The following NAV1 variants were observed in gnomAD, a reference collection of about 807,000 sequenced individuals.
NAV1 encodes pore membrane and/or filament interacting like protein 3.
A neutral mutation model predicts 175.2 loss-of-function variants in NAV1; 18 were observed. The observed-to-expected ratio is 0.10, with a 90% CI of 0.07 to 0.15. NAV1 has a LOEUF of 0.15. NAV1 is among the 10% of genes least tolerant of loss of function. The probability of loss-of-function intolerance (pLI) is 1.00; values close to 1 mark genes in which losing one functional copy is unlikely to be tolerated. For synonymous variants in NAV1, 897 were observed against 978.7 expected, an observed-to-expected ratio of 0.92 and a Z score of 1.56; for missense variants, 1,731 against 2,436.6, an observed-to-expected ratio of 0.71 and a Z score of 6.10.
At chr1:201,785,007 A>T (rs1031133214) in intron 7 of NAV1, among the ~76,000 whole-genome samples, 5 of 152,122 alleles carry the variant, frequency 3.3e-5, no homozygotes, top group Admixed American at 6.5e-5. Flanking sequence ...CGACCTCGTG[A>T]TCCACCCGCC....
intron 1 of NAV1, among the ~76,000 whole-genome samples, chr1:201,562,752 G>A (rs1289416795): frequency 1.3e-5 from 2 of 152,242 alleles, no homozygotes; most frequent in Middle Eastern, 3.4e-3. Flanking sequence ...GTACTTCTAG[G>A]CGGTTGGTGC....
rs1328483490 is a variant in NAV1 at position 201,772,538 on chromosome 1, T to C, written c.1227-7883T>C. Among the ~76,000 whole-genome samples the C allele has an allele frequency of 3.9e-5, 6 of 152,338 alleles. No homozygotes were observed. The South Asian group carries it at 1.2e-3, about 32-fold the overall frequency. On this transcript the variant is annotated intron_variant, in intron 3 of 29. Coordinates refer to ENST00000367296, the Ensembl canonical transcript of NAV1. Reference sequence around the variant, plus strand: ...GGATAAAGCATTATGTTTATCAGTATTGTAACATGGTAAAGTCATATTTCT... The same window carrying C: ...GGATAAAGCATTATGTTTATCAGTACTGTAACATGGTAAAGTCATATTTCT...
chr1:201,609,528 G>T (rs1667787292), intron 2 of NAV1, among the ~76,000 whole-genome samples: 1 of 152,218 alleles, frequency 6.6e-6, no homozygotes, highest in South Asian at 2.1e-4. Context: ...TTTGTTGAGT[G>T]ATACTACCTC....
intron 2 of NAV1, among the ~76,000 whole-genome samples, chr1:201,636,784 G>A (rs1444540704): frequency 1.3e-5 from 2 of 152,186 alleles, no homozygotes; most frequent in African/African-American, 4.8e-5. Flanking sequence ...GGAAGTGGAA[G>A]GAGAACAGCC....
In NAV1 at chr1:201,750,185, A is replaced by AT. The variant is rs574395825; in HGVS notation, c.1227-30230dup. On this transcript the variant is annotated intron_variant, in intron 3 of 29. Transcript: ENST00000367296. This position sits in a 1 kb window ranked among gnomAD's most constrained non-coding sequence, Gnocchi z 4.1. ...AGGTTCACTGGCAACTTTCTGTGTA[A>AT]TTTTTTATAACAAAGACCTACCGCT... Among the ~76,000 whole-genome samples the AT allele has an allele frequency of 2.0e-4, 31 of 152,292 alleles. No individual in the cohort carries two copies. The South Asian group carries it at 5.8e-3, about 28-fold the overall frequency.
rs1678415913 is a variant in NAV1, at chr1:201,808,047, C to G, written c.3743C>G (p.Ser1248Cys). Residue 1248 changes from serine to cysteine, a missense_variant, in exon 18 of 30, where the codon TCT becomes TGT. Ser to Cys is a moderately radical substitution (Grantham distance 112). Transcript: ENST00000367296. This position sits in a 1 kb window ranked among gnomAD's most constrained non-coding sequence, Gnocchi z 5.5. ...ATAGAGGAGATTGCTACACCCGACT[C>G]TTCAGCCCCCTCATCCCCCAAACTA... The G allele has an allele frequency of 1.2e-6, 2 of 1,614,206 alleles. No homozygotes were observed. The highest frequency in any genetic ancestry group is 8.5e-7 in the Non-Finnish European group (1 of 1,180,044).
intron 2 of NAV1, among the ~76,000 whole-genome samples, chr1:201,634,385 G>A (rs1668558499): frequency 6.6e-6 from 1 of 152,198 alleles, no homozygotes; most frequent in Admixed American, 6.5e-5. Flanking sequence ...GGTCTAGCCA[G>A]GATTTGAACC....
chr1:201,664,328 G>A (rs559526455), intron 1 of NAV1, among the ~76,000 whole-genome samples: 10 of 152,270 alleles, frequency 6.6e-5, no homozygotes, highest in African/African-American at 2.2e-4. Flanking sequence ...GGGACAGAGC[G>A]AGACCATGTC....
chr1:201,539,608 C>CG lies in NAV1; in HGVS notation c.-144+273dup, dbSNP rs1488283736. 3.3e-5 allele frequency among the ~76,000 whole-genome samples: 5 copies of CG among 152,016 alleles called. No individual in the cohort carries two copies. The highest frequency in any genetic ancestry group is 6.5e-5 in the Admixed American group (1 of 15,268). On this transcript the variant is annotated intron_variant, in intron 1 of 33. Transcript: ENST00000685211. The surrounding 1 kb of genome is among the most constrained non-coding windows in gnomAD (Gnocchi z 5.6). ...GCGTTTGATTCTAGAGTTGACTCTC[C>CG]GGGGGGGCTGCCTAACTTCAGTCCC... is the stretch of plus-strand genomic sequence containing the variant.
At chr1:201,682,337 C>T (rs182989558) in intron 1 of NAV1, among the ~76,000 whole-genome samples, 198 of 152,000 alleles carry the variant, frequency 1.3e-3, no homozygotes, top group Non-Finnish European at 1.9e-3. Context: ...CCACCCCTAC[C>T]GCAGCCACCA....
chr1:201,778,905 C>A (rs895811718), intron 3 of NAV1, among the ~76,000 whole-genome samples: 11 of 152,208 alleles, frequency 7.2e-5, no homozygotes, highest in African/African-American at 2.7e-4. Flanking sequence ...ACAAAAAAAT[C>A]TTCAGCCTTT....
chr1:201,785,816 G>A (rs543414085), intron 8 of NAV1, among the ~76,000 whole-genome samples: 30 of 118,220 alleles, frequency 2.5e-4, no homozygotes, highest in East Asian at 7.8e-4. Flanking sequence ...TTTTTGAGAC[G>A]GAGTCTCGCT....
At chr1:201,725,935 C>T (rs940357958) in intron 3 of NAV1, among the ~76,000 whole-genome samples, 7 of 151,946 alleles carry the variant, frequency 4.6e-5, no homozygotes, top group African/African-American at 1.5e-4. Context: ...CCAGCCTGGG[C>T]GACAAAGACC....
At position 201,740,093 on chromosome 1, in the gene NAV1, C is replaced by A. The variant is rs191546066; in HGVS notation, c.1226+21338C>A. 4.0e-5 allele frequency: 58 copies of A among 1,442,268 alleles called. No homozygotes were observed. In the South Asian group the frequency reaches 5.3e-4, roughly 13 times the overall value. The allele number at this position is 1,442,268 out of a possible 1,614,324, so 89.3% of individuals were successfully genotyped here. ...CCCCCGCAGGTAAGCGCCCCCACCCCCCTGGCCTCACCGCCAGACCGCAGA... is the reference window on the plus strand; with the variant it reads ...CCCCCGCAGGTAAGCGCCCCCACCCACCTGGCCTCACCGCCAGACCGCAGA... On this transcript the variant is annotated intron_variant, in intron 3 of 29. Transcript: ENST00000367296. The surrounding 1 kb of genome is among the most constrained non-coding windows in gnomAD (Gnocchi z 4.7).
intron 1 of NAV1, among the ~76,000 whole-genome samples, chr1:201,583,345 C>A (rs1274927537): frequency 6.6e-6 from 1 of 152,268 alleles, no homozygotes; most frequent in Non-Finnish European, 1.5e-5. Context: ...ATTGTCCAAG[C>A]CCTCCAACAA....
In NAV1 at chr1:201,750,079, T is replaced by G. The variant is rs1020523591; in HGVS notation, c.1227-30342T>G. On this transcript the variant is annotated intron_variant, in intron 3 of 29. Coordinates refer to ENST00000367296, the Ensembl canonical transcript of NAV1. The surrounding 1 kb of genome is among the most constrained non-coding windows in gnomAD (Gnocchi z 4.1). ...ATTAGACTTGATAATGCACTGTAGG[T>G]ATGGGTGTGAAGACTCAAGTTGGAA... Among the ~76,000 whole-genome samples, 2 of 152,174 alleles carry G rather than the reference T, an allele frequency of 1.3e-5. No individual in the cohort carries two copies. The highest frequency in any genetic ancestry group is 1.5e-5 in the Non-Finnish European group (1 of 68,032).
chr1:201,697,580 C>T (rs1671244383), intron 1 of NAV1, among the ~76,000 whole-genome samples: 2 of 152,200 alleles, frequency 1.3e-5, no homozygotes, highest in Non-Finnish European at 2.9e-5. Flanking sequence ...TCCAGTGCGC[C>T]TCAGTCTCCT....
exon 30 of NAV1, chr1:201,823,380 G>A (rs1047266849): frequency 6.6e-6 from 1 of 152,622 alleles, no homozygotes; most frequent in Non-Finnish European, 1.5e-5. Context: ...GTGTGTGTGT[G>A]TGTGTGTGTG....
At chr1:201,699,574 G>A (rs955565059) in intron 1 of NAV1, among the ~76,000 whole-genome samples, 5 of 152,164 alleles carry the variant, frequency 3.3e-5, no homozygotes, top group African/African-American at 1.2e-4. Flanking sequence ...TTTCTTCGCA[G>A]AATTGGAAAA....
Sources: gnomAD v4.1 joint callset for allele counts (sites outside exome capture counted in the v4.1 genomes callset) on GRCh38, gnomAD v4.1.1 for gene constraint, Gnocchi (gnomAD v3.1) non-coding constraint, MANE v1.5 for transcripts, NCBI Gene and HGNC (gene_info 2026-07-23, HGNC 2026-07-21) for gene names.